NRXN1: variants seen among roughly 807,000 people sequenced by gnomAD.
The protein encoded by NRXN1 is neurexin 1, also known as neurexin-1.
NRXN1 carries 39 observed loss-of-function variants against 150.9 expected under a neutral mutation model. The ratio of observed to expected loss-of-function variants is 0.26; its 90% CI spans 0.20 to 0.34. The LOEUF is 0.34. NRXN1 is among the 10% of genes least tolerant of loss of function. The pLI, the probability that NRXN1 is intolerant of heterozygous loss-of-function variation, is 1.00. For synonymous variants in NRXN1, 924 were observed against 757.0 expected (o/e 1.22, Z -3.62); for missense variants, 1,815 against 1,949.9 (o/e 0.93, Z 1.30).
chr2:50,461,478 G>A (rs570131462), intron 17 of NRXN1, among the ~76,000 whole-genome samples: 7 of 152,112 alleles, frequency 4.6e-5, no homozygotes, highest in Non-Finnish European at 8.8e-5. Flanking sequence ...TCTCCAACCT[G>A]ACATTAAGTT....
At chr2:50,082,191 A>G (rs1698072460) in intron 19 of NRXN1, among the ~76,000 whole-genome samples, 1 of 152,186 alleles carries the variant, frequency 6.6e-6, no homozygotes, top group Non-Finnish European at 1.5e-5. Flanking sequence ...TTTTGTAACC[A>G]GTAGTTAGAT....
At chr2:50,341,499 G>T (rs1665228076) in intron 17 of NRXN1, among the ~76,000 whole-genome samples, 1 of 152,014 alleles carries the variant, frequency 6.6e-6, no homozygotes. Context: ...TTTATAAATG[G>T]AGAAAACATT....
intron 5 of NRXN1, among the ~76,000 whole-genome samples, chr2:50,836,090 T>A (rs1672064779): frequency 6.6e-6 from 1 of 152,156 alleles, no homozygotes; most frequent in African/African-American, 2.4e-5. Context: ...AATTTCTAAT[T>A]CTAGTTTTCG....
At chr2:50,161,570 C>T (rs886065485) in intron 18 of NRXN1, among the ~76,000 whole-genome samples, 1 of 152,180 alleles carries the variant, frequency 6.6e-6, no homozygotes, top group African/African-American at 2.4e-5. Flanking sequence ...AGGAGAACTA[C>T]TATTCTTTTC....
intron 18 of NRXN1, among the ~76,000 whole-genome samples, chr2:50,179,524 G>A (rs942679270): frequency 4.6e-5 from 7 of 151,990 alleles, no homozygotes; most frequent in African/African-American, 1.7e-4. Context: ...TTCTCTAAAG[G>A]TTAGCTGCTA....
At chr2:50,608,677 C>G (rs994668516) in intron 8 of NRXN1, among the ~76,000 whole-genome samples, 28 of 152,022 alleles carry the variant, frequency 1.8e-4, no homozygotes, top group African/African-American at 6.8e-4. Flanking sequence ...GATGATCACA[C>G]CTTATAGCCT....
intron 2 of NRXN1, among the ~76,000 whole-genome samples, chr2:50,945,163 A>C (rs770657865): frequency 1.3e-5 from 2 of 152,232 alleles, no homozygotes; most frequent in Admixed American, 1.3e-4. Flanking sequence ...ATGGGAAAGC[A>C]GTTACAAATA....
intron 17 of NRXN1, among the ~76,000 whole-genome samples, chr2:50,287,404 T>G (rs1447203192): frequency 6.6e-6 from 1 of 152,164 alleles, no homozygotes; most frequent in Non-Finnish European, 1.5e-5. Flanking sequence ...GACTAAAAAT[T>G]GACATTGTTG....
At chr2:50,395,354 A>G (rs138840511) in intron 17 of NRXN1, among the ~76,000 whole-genome samples, 3 of 151,702 alleles carry the variant, frequency 2.0e-5, no homozygotes, top group African/African-American at 4.8e-5. Context: ...TAGGAACCCA[A>G]CAAAGATCAC....
chr2:50,241,877 T>C (rs1383214542), intron 17 of NRXN1, among the ~76,000 whole-genome samples: 3 of 151,794 alleles, frequency 2.0e-5, no homozygotes, highest in Non-Finnish European at 2.9e-5. Flanking sequence ...CTTACATAGA[T>C]TGAAACTTTC....
intron 5 of NRXN1, among the ~76,000 whole-genome samples, chr2:50,831,196 A>T (rs1402247812): frequency 6.6e-6 from 1 of 152,222 alleles, no homozygotes; most frequent in Non-Finnish European, 1.5e-5. Context: ...TTCTCACACA[A>T]TGGAAACTGT....
At chr2:50,918,087 A>G (rs1685472881) in intron 5 of NRXN1, 1 of 151,634 alleles carries the variant, frequency 6.6e-6, no homozygotes. Flanking sequence ...AGAAAAATCT[A>G]TCTTTATTAC....
intron 9 of NRXN1, chr2:50,551,284 ACACT>A (rs1667502120): frequency 6.6e-6 from 1 of 152,182 alleles, no homozygotes; most frequent in African/African-American, 2.4e-5. Context: ...CCTTCTCTCC[ACACT>A]CACTCCCAAC....
At chr2:50,758,388 C>CA (rs1701403918) in intron 5 of NRXN1, among the ~76,000 whole-genome samples, 1 of 151,856 alleles carries the variant, frequency 6.6e-6, no homozygotes, top group Admixed American at 6.6e-5. Context: ...GTGTATCTAT[C>CA]ACTTAATGCA....
At chr2:49,995,186 A>C (rs1292374871) in intron 21 of NRXN1, among the ~76,000 whole-genome samples, 1 of 152,218 alleles carries the variant, frequency 6.6e-6, no homozygotes, top group Non-Finnish European at 1.5e-5. Context: ...TTCAATTTTA[A>C]ATTCTCAGTA....
chr2:49,979,576 A>T (rs1679617888), intron 21 of NRXN1, among the ~76,000 whole-genome samples: 1 of 152,190 alleles, frequency 6.6e-6, no homozygotes, highest in Non-Finnish European at 1.5e-5. Context: ...TACAGTCATG[A>T]TGAATAGGAT....
intron 5 of NRXN1, chr2:50,841,228 C>G (rs1224797868): frequency 6.6e-6 from 1 of 152,558 alleles, no homozygotes; most frequent in Non-Finnish European, 1.5e-5. Flanking sequence ...ATCTTCCACA[C>G]TAAATGACAG....
At chr2:50,358,126 C>T (rs898135912) in intron 17 of NRXN1, among the ~76,000 whole-genome samples, 5 of 152,146 alleles carry the variant, frequency 3.3e-5, no homozygotes, top group African/African-American at 1.2e-4. Context: ...CACAAGGGAC[C>T]TGGGTTTCAA....
In NRXN1 at chr2:50,531,330, G is replaced by C. The variant is rs761608592; in HGVS notation, c.2244C>G (p.Ser748=). The part of the protein sequence containing the change: ...EAEDVSLRFR[S]QRAYGILMAT... ...CCATCAGAATGCCATATGCACGCTG[G>C]GATCGGAACCGTAAGGAAACATCCT... The change falls in exon 11 of 23, where the codon TCC becomes TCG. Residue 748 remains serine, a synonymous_variant. Transcript: ENST00000401669. The C allele has an allele frequency of 8.7e-6, 14 of 1,613,370 alleles. No homozygotes were observed. The Admixed American group carries it at 2.0e-4, about 23-fold the overall frequency.
Sources: gnomAD v4.1 joint callset for allele counts (sites outside exome capture counted in the v4.1 genomes callset) on GRCh38, gnomAD v4.1.1 for gene constraint, MANE v1.5 for transcripts, NCBI Gene and HGNC (gene_info 2026-07-23, HGNC 2026-07-21) for gene names.